Variants in RFTN1 observed in about 807,000 individuals in gnomAD.
RFTN1 encodes raftlin.
Under a neutral mutation model 46.5 loss-of-function variants are expected in RFTN1, and 26 were observed. That is an observed-to-expected ratio of 0.56 (90% confidence interval 0.41 to 0.78). The LOEUF is 0.78. RFTN1 is among the 30% of genes least tolerant of loss of function. The probability of loss-of-function intolerance (pLI) is 0.00; values close to 1 mark genes in which losing one functional copy is unlikely to be tolerated. For missense variants in RFTN1, 693 were observed against 718.7 expected (o/e 0.96, Z 0.41); for synonymous variants, 261 against 284.2 (o/e 0.92, Z 0.82).
chr3:16,386,665 G>C (rs1428124963), intron 4 of RFTN1, among the ~76,000 whole-genome samples: 1 of 152,236 alleles, frequency 6.6e-6, no homozygotes, highest in East Asian at 1.9e-4. Flanking sequence ...TGAAGGCAAT[G>C]AGATGCCATC....
rs949064789 is a variant in RFTN1 at position 16,329,569 on chromosome 3, C to T, written c.1147-2693G>A. On this transcript the variant is annotated intron_variant, in intron 7 of 9. Transcript: ENST00000334133. The surrounding 1 kb of genome is among the most constrained non-coding windows in gnomAD (Gnocchi z 4.5). ...CACGCACACCTCCCTTCCAGACCAG[C>T]ACAGCCCGTATTCCTCCTGCTGGGT... Among the ~76,000 whole-genome samples, 2 of 152,160 alleles carry T rather than the reference C, an allele frequency of 1.3e-5. No homozygotes were observed. Among genetic ancestry groups the T allele is most frequent in the Admixed American group, 1.3e-4 (2 of 15,280 alleles).
At chr3:16,389,497 G>A (rs1050907979) in intron 4 of RFTN1, among the ~76,000 whole-genome samples, 2 of 6,988 alleles carry the variant, frequency 2.9e-4, no homozygotes, top group African/African-American at 2.0e-3. Context: ...TTTTTTTTCG[G>A]GGGGGAGGGA....
At position 16,507,692 on chromosome 3, in the gene RFTN1, T is replaced by TAC. The variant is rs1225183240; in HGVS notation, c.-9+5748_-9+5749dup. On this transcript the variant is annotated intron_variant, in intron 1 of 9. Transcript: ENST00000334133. The surrounding 1 kb of genome is among the most constrained non-coding windows in gnomAD (Gnocchi z 7.1). ...CACACAATGCACATAAACACACACA[T>TAC]ACACACACATACATACACATACACA... Among the ~76,000 whole-genome samples, 1 of 144,568 alleles carries TAC rather than the reference T, an allele frequency of 6.9e-6. No homozygotes were observed. Among genetic ancestry groups the TAC allele is most frequent in the African/African-American group, 2.6e-5 (1 of 38,422 alleles). 94.8% of individuals were successfully genotyped at this position (144,568 alleles called of 152,430 possible).
At position 16,489,139 on chromosome 3, in the gene RFTN1, C is replaced by T. The variant is rs996163140; in HGVS notation, c.145+4586G>A. ...GGGAAATAAAATCAGTGATGGAGGC[C>T]GGGTGAGGTGGCTCACACCTGTAAT... On this transcript the variant is annotated intron_variant, in intron 2 of 9. Transcript: ENST00000334133. The surrounding 1 kb of genome is among the most constrained non-coding windows in gnomAD (Gnocchi z 4.0). Among the ~76,000 whole-genome samples, 5 of 152,110 alleles carry T rather than the reference C, an allele frequency of 3.3e-5. No homozygotes were observed. Among genetic ancestry groups the T allele is most frequent in the Admixed American group, 2.0e-4 (3 of 15,276 alleles).
rs1046479085 is a variant in RFTN1, at chr3:16,381,691, C to T, written c.442-3589G>A. ...AATCCATGTAAAGGCAAGGAAGGAT[C>T]ATGATGGGCAAAAGCGTGACAGTAT... is the stretch of plus-strand genomic sequence containing the variant. On this transcript the variant is annotated intron_variant, in intron 4 of 9. Transcript: ENST00000334133. This position sits in a 1 kb window ranked among gnomAD's most constrained non-coding sequence, Gnocchi z 4.2. Among the ~76,000 whole-genome samples the T allele has an allele frequency of 2.6e-5, 4 of 152,092 alleles. No individual in the cohort carries two copies. The highest frequency in any genetic ancestry group is 2.6e-4 in the Admixed American group (4 of 15,274).
chr3:16,329,253 G>A lies in RFTN1; in HGVS notation c.1147-2377C>T, dbSNP rs932807630. Among the ~76,000 whole-genome samples, 4 of 152,210 alleles carry A rather than the reference G, an allele frequency of 2.6e-5. No homozygotes were observed. The highest frequency in any genetic ancestry group is 4.4e-5 in the Non-Finnish European group (3 of 68,034). On this transcript the variant is annotated intron_variant, in intron 7 of 9. Coordinates refer to ENST00000334133, the MANE Select transcript of RFTN1 (RefSeq NM_015150.2). This position sits in a 1 kb window ranked among gnomAD's most constrained non-coding sequence, Gnocchi z 4.5. ...TGGACTTCCCAGCCTCCAGGACCAG[G>A]AGCCAAGAACTGTCTGTCCTTTATA...
At position 16,342,162 on chromosome 3, in the gene RFTN1, C is replaced by A. The variant is rs2071359160; in HGVS notation, c.1147-15286G>T. ...AAGTTTAGACCACTTTCATCACCCC[C>A]CACACCAATACCCTGTACCTATTAG... On this transcript the variant is annotated intron_variant, in intron 7 of 9. Transcript: ENST00000334133. This position sits in a 1 kb window ranked among gnomAD's most constrained non-coding sequence, Gnocchi z 4.0. Among the ~76,000 whole-genome samples, 1 of 152,122 alleles carries A rather than the reference C, an allele frequency of 6.6e-6. No individual in the cohort carries two copies. Among genetic ancestry groups the A allele is most frequent in the South Asian group, 2.1e-4 (1 of 4,830 alleles).
In RFTN1 at chr3:16,465,818, C is replaced by T. The variant is rs1517520; in HGVS notation, c.145+27907G>A. On this transcript the variant is annotated intron_variant, in intron 2 of 9. Transcript: ENST00000334133. The surrounding 1 kb of genome is among the most constrained non-coding windows in gnomAD (Gnocchi z 5.1). ...TCCATTTTCCCAGGGAGGACTTGAG[C>T]GGGAAAAGCAAGATGTAAGGTAGAG... 0.069 allele frequency among the ~76,000 whole-genome samples: 10,466 copies of T among 152,030 alleles called. 628 individuals are homozygous for T. Among genetic ancestry groups the T allele is most frequent in the East Asian group, 0.2 (1,059 of 5,168 alleles).
intron 4 of RFTN1, among the ~76,000 whole-genome samples, chr3:16,389,358 GT>G (rs898764708): frequency 2.7e-4 from 41 of 152,170 alleles, no homozygotes; most frequent in African/African-American, 9.7e-4. Context: ...AAAAATGAAT[GT>G]TTTATTGTTC....
intron 2 of RFTN1, among the ~76,000 whole-genome samples, chr3:16,478,620 C>G (rs903804110): frequency 2.6e-5 from 4 of 152,216 alleles, no homozygotes; most frequent in Non-Finnish European, 5.9e-5. Flanking sequence ...CTGGGTGCCT[C>G]TGGCTCAAAA....
Position 16,348,363 on chromosome 3 carries a change from TA to T in RFTN1, c.1146+9568del, listed in dbSNP as rs34394480. Among the ~76,000 whole-genome samples, 2 of 151,456 alleles carry T rather than the reference TA, an allele frequency of 1.3e-5. No homozygotes were observed. The highest frequency in any genetic ancestry group is 2.9e-5 in the Non-Finnish European group (2 of 67,874). On this transcript the variant is annotated intron_variant, in intron 7 of 9. Transcript: ENST00000334133. The surrounding 1 kb of genome is among the most constrained non-coding windows in gnomAD (Gnocchi z 6.3). ...CATTATCCAATATGTGTTCTAATTA[TA>T]AAAAAAAATTAATAGATGTGCCTTC...
At chr3:16,404,740 C>T (rs549729349) in intron 4 of RFTN1, among the ~76,000 whole-genome samples, 2 of 151,812 alleles carry the variant, frequency 1.3e-5, no homozygotes, top group Non-Finnish European at 2.9e-5. Flanking sequence ...GCAGAGCCCT[C>T]GTTCCACACC....
At chr3:16,435,941 T>C (rs2075503877) in intron 2 of RFTN1, among the ~76,000 whole-genome samples, 3 of 145,522 alleles carry the variant, frequency 2.1e-5, no homozygotes, top group African/African-American at 5.0e-5. Context: ...TATATATATA[T>C]ATATCACACA....
rs2070647819 is a variant in RFTN1 at position 16,334,355 on chromosome 3, G to GT, written c.1147-7480dup. Among the ~76,000 whole-genome samples the GT allele has an allele frequency of 6.6e-6, 1 of 152,172 alleles. No homozygotes were observed. Among genetic ancestry groups the GT allele is most frequent in the Admixed American group, 6.5e-5 (1 of 15,278 alleles). ...AACCCTCCTGGAGAACAGTTTGACA[G>GT]TATCTTTCAAAATTACAAACACATT... On this transcript the variant is annotated intron_variant, in intron 7 of 9. Coordinates refer to ENST00000334133, the MANE Select transcript of RFTN1 (RefSeq NM_015150.2). This position sits in a 1 kb window ranked among gnomAD's most constrained non-coding sequence, Gnocchi z 4.3.
chr3:16,436,121 T>C (rs1276058032), intron 2 of RFTN1, among the ~76,000 whole-genome samples: 2 of 151,850 alleles, frequency 1.3e-5, no homozygotes, highest in Admixed American at 1.3e-4. Context: ...ATTTATCTTA[T>C]TATGTAATTT....
rs972761776 is a variant in RFTN1, at chr3:16,486,644, C to T, written c.145+7081G>A. On this transcript the variant is annotated intron_variant, in intron 2 of 9. Coordinates refer to ENST00000334133, the MANE Select transcript of RFTN1 (RefSeq NM_015150.2). ...AATCCACCTGAGGATTTCAAGTCTT[C>T]CTTGACACACAGACTCCTCCATCAA... is the stretch of plus-strand genomic sequence containing the variant. 7.2e-5 allele frequency among the ~76,000 whole-genome samples: 11 copies of T among 152,246 alleles called. No homozygotes were observed. In the South Asian group the frequency reaches 1.0e-3, roughly 14 times the overall value.
At chr3:16,439,028 C>T (rs2125506850) in intron 2 of RFTN1, among the ~76,000 whole-genome samples, 1 of 152,240 alleles carries the variant, frequency 6.6e-6, no homozygotes, top group South Asian at 2.1e-4. Flanking sequence ...AGATGTATCT[C>T]CTGTCAAAGC....
chr3:16,417,104 G>A (rs1477755517), intron 3 of RFTN1, among the ~76,000 whole-genome samples: 3 of 151,448 alleles, frequency 2.0e-5, no homozygotes, highest in Non-Finnish European at 4.4e-5. Context: ...CAACTTCCTG[G>A]GCTCAAGCAA....
intron 4 of RFTN1, among the ~76,000 whole-genome samples, chr3:16,405,248 G>T (rs149144843): frequency 6.6e-6 from 1 of 152,164 alleles, no homozygotes; most frequent in South Asian, 2.1e-4. Flanking sequence ...AATTCTGGCA[G>T]CACCATCACT....
Sources: gnomAD v4.1 joint callset for allele counts (sites outside exome capture counted in the v4.1 genomes callset) on GRCh38, gnomAD v4.1.1 for gene constraint, Gnocchi (gnomAD v3.1) non-coding constraint, MANE v1.5 for transcripts, NCBI Gene and HGNC (gene_info 2026-07-23, HGNC 2026-07-21) for gene names.